KIAA1328: variants seen among roughly 807,000 people sequenced by gnomAD.
KIAA1328 encodes the protein protein hinderin.
Under a neutral mutation model 68.1 loss-of-function variants are expected in KIAA1328, and 52 were observed. That is an observed-to-expected ratio of 0.76 (90% CI 0.61 to 0.96). The LOEUF (loss-of-function observed/expected upper bound fraction) is 0.96. Ranked by LOEUF, KIAA1328 falls within the 40% of genes least tolerant of loss-of-function variation. KIAA1328 has a pLI of 0.00. For synonymous variants in KIAA1328, 232 were observed against 239.4 expected (o/e 0.97, Z 0.28); for missense variants, 641 against 677.6 (o/e 0.95, Z 0.60).
intron 5 of KIAA1328, among the ~76,000 whole-genome samples, chr18:36,894,595 G>A (rs1486093969): frequency 6.6e-6 from 1 of 151,912 alleles, no homozygotes; most frequent in African/African-American, 2.4e-5. Context: ...TGCAGTCATG[G>A]CTCACTGCAG....
chr18:37,002,788 T>G (rs2053638643), intron 6 of KIAA1328, among the ~76,000 whole-genome samples: 1 of 152,048 alleles, frequency 6.6e-6, no homozygotes, highest in South Asian at 2.1e-4. Context: ...ATAGATTTAG[T>G]GCAATTTCTA....
Position 37,011,711 on chromosome 18 carries a change from A to G in KIAA1328, c.576+52276A>G, listed in dbSNP as rs554425001. 4.9e-4 allele frequency among the ~76,000 whole-genome samples: 74 copies of G among 152,328 alleles called. No homozygotes were observed. The Middle Eastern group carries it at 0.024, about 49-fold the overall frequency. Reference sequence around the variant, plus strand: ...CTCAAATGCTAAGTGAAAGAAGCCAAACTCAAAAGGTTATATACTGTATGA... The same window carrying G: ...CTCAAATGCTAAGTGAAAGAAGCCAGACTCAAAAGGTTATATACTGTATGA... On this transcript the variant is annotated intron_variant, in intron 6 of 9. Transcript: ENST00000280020.
intron 6 of KIAA1328, among the ~76,000 whole-genome samples, chr18:36,999,163 T>A (rs1027330280): frequency 6.6e-6 from 1 of 152,124 alleles, no homozygotes; most frequent in Non-Finnish European, 1.5e-5. Context: ...AAAAATAGAC[T>A]AAATCAGGCA....
intron 6 of KIAA1328, among the ~76,000 whole-genome samples, chr18:37,017,697 C>G (rs1242360175): frequency 6.6e-6 from 1 of 151,870 alleles, no homozygotes; most frequent in Non-Finnish European, 1.5e-5. Flanking sequence ...CTAATTGAAC[C>G]CTTTATTGTT....
chr18:36,850,042 T>C (rs1247285620), intron 4 of KIAA1328, among the ~76,000 whole-genome samples: 2 of 152,032 alleles, frequency 1.3e-5, no homozygotes, highest in African/African-American at 4.8e-5. Context: ...AAAATAAAAT[T>C]GGGGTGTTTT....
At chr18:36,901,722 AAAG>A (rs2049045756) in intron 5 of KIAA1328, among the ~76,000 whole-genome samples, 1 of 152,214 alleles carries the variant, frequency 6.6e-6, no homozygotes, top group African/African-American at 2.4e-5. Flanking sequence ...AAGATTGGGT[AAAG>A]AAGCAGCTTT....
chr18:37,152,795 C>T (rs1241251852), intron 7 of KIAA1328, among the ~76,000 whole-genome samples: 1 of 152,114 alleles, frequency 6.6e-6, no homozygotes, highest in African/African-American at 2.4e-5. Context: ...AGAGAGTCCT[C>T]AGTAAGGCTT....
chr18:37,099,511 G>A (rs1309725878), intron 7 of KIAA1328, among the ~76,000 whole-genome samples: 2 of 152,160 alleles, frequency 1.3e-5, no homozygotes, highest in Non-Finnish European at 2.9e-5. Flanking sequence ...GGTCAATTTT[G>A]TAATAGGTGT....
intron 7 of KIAA1328, among the ~76,000 whole-genome samples, chr18:37,133,423 G>T (rs1054349856): frequency 3.3e-5 from 5 of 151,886 alleles, no homozygotes; most frequent in African/African-American, 1.2e-4. Flanking sequence ...TAGGGTGATG[G>T]AATTATGTTG....
intron 7 of KIAA1328, among the ~76,000 whole-genome samples, chr18:37,141,199 A>T (rs2058756968): frequency 6.6e-6 from 1 of 152,174 alleles, no homozygotes; most frequent in African/African-American, 2.4e-5. Context: ...CAATTACAAC[A>T]GAAAGTATTC....
chr18:37,225,695 G>A (rs114082367), downstream of KIAA1328, among the ~76,000 whole-genome samples: 174 of 152,344 alleles, frequency 1.1e-3, no homozygotes, highest in African/African-American at 3.6e-3. Flanking sequence ...AAATGGCCCT[G>A]CCTAGTTGCC....
intron 7 of KIAA1328, among the ~76,000 whole-genome samples, chr18:37,135,871 A>C (rs2058631510): frequency 6.6e-6 from 1 of 152,102 alleles, no homozygotes; most frequent in Admixed American, 6.6e-5. Flanking sequence ...TATATGGTAA[A>C]AGGTAGCCGG....
intron 6 of KIAA1328, among the ~76,000 whole-genome samples, chr18:36,972,747 C>T (rs2052280264): frequency 6.6e-6 from 1 of 152,188 alleles, no homozygotes; most frequent in Non-Finnish European, 1.5e-5. Context: ...ACCTGTCTCT[C>T]CTGTCCCGTT....
At chr18:36,919,440 T>C (rs368110012) in intron 5 of KIAA1328, among the ~76,000 whole-genome samples, 62 of 152,336 alleles carry the variant, frequency 4.1e-4, no homozygotes, top group African/African-American at 1.3e-3. Context: ...GTTCTTAGTC[T>C]GTTATACTTA....
At chr18:37,113,631 A>C (rs1033722016) in intron 7 of KIAA1328, among the ~76,000 whole-genome samples, 1 of 152,182 alleles carries the variant, frequency 6.6e-6, no homozygotes, top group Non-Finnish European at 1.5e-5. Flanking sequence ...TAACATCATA[A>C]TGACAGGATC....
intron 7 of KIAA1328, among the ~76,000 whole-genome samples, chr18:37,103,170 A>G (rs966350933): frequency 9.9e-5 from 15 of 152,216 alleles, no homozygotes; most frequent in African/African-American, 3.6e-4. Flanking sequence ...TATAAATCTT[A>G]AAATTCATAT....
chr18:37,095,842 A>G (rs1038314394), intron 7 of KIAA1328, among the ~76,000 whole-genome samples: 1 of 152,238 alleles, frequency 6.6e-6, no homozygotes, highest in African/African-American at 2.4e-5. Flanking sequence ...ACAAAGAATC[A>G]TTAGAGACTA....
At chr18:36,883,967 T>TATATATATATATATATATATATAC (rs1429832565) in intron 4 of KIAA1328, among the ~76,000 whole-genome samples, 5 of 149,304 alleles carry the variant, frequency 3.3e-5, no homozygotes, top group African/African-American at 1.2e-4. Flanking sequence ...TATATATATA[T>TATATATATATATATATATATATAC]ATACACACAC....
intron 6 of KIAA1328, among the ~76,000 whole-genome samples, chr18:37,018,103 T>C (rs907990949): frequency 6.6e-6 from 1 of 152,160 alleles, no homozygotes. Flanking sequence ...GGTATCATTT[T>C]TTGTTTCCAT....
Sources: allele counts gnomAD v4.1 joint callset (sites outside exome capture counted in the v4.1 genomes callset), GRCh38; gene constraint gnomAD v4.1.1; transcripts MANE v1.5; gene names NCBI Gene and HGNC (gene_info 2026-07-23, HGNC 2026-07-21).